Variants in ZNF182 observed in about 807,000 individuals in gnomAD.
ZNF182 encodes the protein zinc finger protein 21 (KOX 14).
In ZNF182, 10 loss-of-function variants were observed where a neutral mutation model predicts 28.1. The observed-to-expected ratio is 0.36, with a 90% CI of 0.22 to 0.60. The LOEUF (loss-of-function observed/expected upper bound fraction) is 0.60. ZNF182 is among the 20% of genes least tolerant of loss of function. The pLI, the probability that ZNF182 is intolerant of heterozygous loss-of-function variation, is 0.75. For synonymous variants in ZNF182, 156 were observed against 158.7 expected, an observed-to-expected ratio of 0.98 and a Z score of 0.13; for missense variants, 352 against 453.2, an observed-to-expected ratio of 0.78 and a Z score of 2.03.
chrX:47,981,554 A>G (rs1454862737), intron 5 of ZNF182, among the ~76,000 whole-genome samples: 1 of 112,604 alleles, frequency 8.9e-6, no homozygotes, highest in Non-Finnish European at 1.9e-5. Context: ...TCTGTACAAT[A>G]TGTAACTCAT....
chrX:47,993,078 C>T (rs145656082), intron 3 of ZNF182, among the ~76,000 whole-genome samples: 1,168 of 113,052 alleles, frequency 0.01, 20 homozygotes, highest in African/African-American at 0.036. Flanking sequence ...TCAGGCCCAC[C>T]CCCAGACCTC....
chrX:47,992,120 A>C (rs1297125412), intron 3 of ZNF182, among the ~76,000 whole-genome samples: 1 of 111,252 alleles, frequency 9.0e-6, no homozygotes, highest in Non-Finnish European at 1.9e-5. Context: ...CTGGCCAAAA[A>C]ATTGGCTCTC....
intron 3 of ZNF182, among the ~76,000 whole-genome samples, chrX:47,998,465 T>C (rs1014400288): frequency 4.5e-5 from 5 of 112,118 alleles, no homozygotes; most frequent in Admixed American, 1.9e-4. Context: ...AATAATATAT[T>C]GGTCAAAGAG....
In ZNF182 at chrX:47,983,098, A is replaced by G. The variant is rs930491367; in HGVS notation, c.143-60T>C. On this transcript the variant is annotated intron_variant, in intron 4 of 5. Coordinates refer to ENST00000376943, the MANE Select transcript of ZNF182 (RefSeq NM_001007088.2). ...CTTTCAGAGCCTCTGAGACAGAAGA[A>G]GTTACATATTGGGGGCAGCACAAGG... is the stretch of plus-strand genomic sequence containing the variant. 1.8e-5 allele frequency: 20 copies of G among 1,140,556 alleles called. No homozygotes were observed. The Admixed American group carries it at 4.4e-4, about 25-fold the overall frequency. 94.0% of individuals were successfully genotyped at this position (1,140,556 alleles called of 1,213,427 possible).
Position 47,977,581 on chromosome X carries a change from T to C in ZNF182, c.449A>G (p.Asp150Gly). The change falls in exon 6 of 6, where the codon GAT (aspartate) becomes GGT (glycine). Residue 150 changes from aspartate to glycine, a missense_variant. By Grantham distance (94) the Asp-to-Gly change is moderately conservative. Coordinates refer to ENST00000376943, the MANE Select transcript of ZNF182 (RefSeq NM_001007088.2). ...ACTTCTACTAAATAAGTCTAAATTA[T>C]CTACCATATTATTTCCAAATGATTC... ...KHESFGNNMV[D>G]NLDLFSRSSA... The C allele has an allele frequency of 8.3e-7, 1 of 1,206,645 alleles. No individual in the cohort carries two copies. Among genetic ancestry groups the C allele is most frequent in the Non-Finnish European group, 1.1e-6 (1 of 892,972 alleles).
Position 47,976,675 on chromosome X carries a change from G to A in ZNF182, c.1355C>T (p.Ser452Phe), listed in dbSNP as rs1556898192. The A allele has an allele frequency of 3.3e-6, 4 of 1,208,699 alleles. No individual in the cohort carries two copies. Among genetic ancestry groups the A allele is most frequent in the South Asian group, 3.6e-5 (2 of 56,294 alleles). ...NECEKAFSQKSYLMLHQRGHT... is the reference protein window; with the variant it reads ...NECEKAFSQKFYLMLHQRGHT... ...ACCTCTCTGATGCAGCATGAGGTAG[G>A]ACTTCTGAGAGAAGGCTTTCTCACA... The change falls in exon 6 of 6, where the codon TCC becomes TTC. Residue 452 changes from serine to phenylalanine, a missense_variant. Physicochemically the swap from Ser to Phe is radical, Grantham distance 155 (BLOSUM62 -2). Coordinates refer to ENST00000376943, the MANE Select transcript of ZNF182 (RefSeq NM_001007088.2).
intron 3 of ZNF182, among the ~76,000 whole-genome samples, chrX:47,984,871 C>A (rs1466091390): frequency 9.0e-6 from 1 of 111,646 alleles, no homozygotes; most frequent in Non-Finnish European, 1.9e-5. Flanking sequence ...CAAATAAGCA[C>A]ATAAAAAGAT....
chrX:47,993,921 T>G (rs2058949941), intron 3 of ZNF182, among the ~76,000 whole-genome samples: 1 of 111,383 alleles, frequency 9.0e-6, no homozygotes, highest in South Asian at 3.7e-4. Flanking sequence ...TTCATATCAT[T>G]GCCATTCCAG....
chrX:47,976,001 C>T lies in ZNF182; in HGVS notation c.*166G>A. The T allele has an allele frequency of 2.1e-6, 1 of 486,223 alleles. No individual in the cohort carries two copies. The highest frequency in any genetic ancestry group is 3.1e-6 in the Non-Finnish European group (1 of 319,145). 40.1% of individuals were successfully genotyped at this position (486,223 alleles called of 1,213,427 possible). On this transcript the variant is annotated 3_prime_UTR_variant, in exon 6 of 6. Coordinates refer to ENST00000376943, the MANE Select transcript of ZNF182 (RefSeq NM_001007088.2). ...AATTTTGTCAGATACAGAGATTACA[C>T]TTCTGCTTTTTCTCCCGTAGCTTTT... is the stretch of plus-strand genomic sequence containing the variant.
intron 5 of ZNF182, among the ~76,000 whole-genome samples, chrX:47,981,996 T>A (rs782547587): frequency 7.2e-5 from 8 of 110,843 alleles, no homozygotes; most frequent in African/African-American, 2.3e-4. Context: ...AAAACATATA[T>A]CACCACAAAA....
rs1310635879 is a variant in ZNF182 at position 47,978,468 on chromosome X, C to T, written c.233-671G>A. On this transcript the variant is annotated intron_variant, in intron 5 of 5. Coordinates refer to ENST00000376943, the MANE Select transcript of ZNF182 (RefSeq NM_001007088.2). The stretch of plus-strand genomic sequence containing the variant: ...CAGACTCATGTGTTACAATAGTTAA[C>T]ACTGAATCCACATTCTCAATGAATG... Among the ~76,000 whole-genome samples the T allele has an allele frequency of 2.8e-4, 32 of 112,319 alleles. 1 individual carries two copies. Among genetic ancestry groups the T allele is most frequent in the Non-Finnish European group, 3.8e-5 (2 of 53,264 alleles).
At position 47,976,777 on chromosome X, in the gene ZNF182, T is replaced by C; in HGVS notation, c.1253A>G (p.Lys418Arg). 1.7e-6 allele frequency: 2 copies of C among 1,211,605 alleles called. No individual in the cohort carries two copies. Among genetic ancestry groups the C allele is most frequent in the South Asian group, 3.5e-5 (2 of 56,955 alleles). Residue 418 changes from lysine to arginine, a missense_variant, in exon 6 of 6, where the codon AAA (lysine) becomes AGA (arginine). Physicochemically the swap from Lys to Arg is conservative, Grantham distance 26. Coordinates refer to ENST00000376943, the MANE Select transcript of ZNF182 (RefSeq NM_001007088.2). ...EKPYECDVCG[K>R]TFTQKSNLGV... ...AAGGTTTGACTTTTGCGTGAAGGTT[T>C]TTCCACACACATCACATTCATAGGG...
intron 5 of ZNF182, among the ~76,000 whole-genome samples, chrX:47,979,869 GTGTGTGTGT>G (rs2058898799): frequency 3.7e-5 from 2 of 53,497 alleles, no homozygotes; most frequent in African/African-American, 1.3e-4. Context: ...TGTGTGGGGT[GTGTGTGTGT>G]GTGTGTGTGT....
chrX:48,003,114 CAACTA>C (rs1370351115), intron 2 of ZNF182, among the ~76,000 whole-genome samples: 2 of 111,627 alleles, frequency 1.8e-5, no homozygotes, highest in Non-Finnish European at 3.8e-5. Flanking sequence ...ATATGTATCT[CAACTA>C]AACGTTTTTA....
Position 47,976,897 on chromosome X carries a change from G to T in ZNF182, c.1133C>A (p.Thr378Lys). 1 of 1,209,652 alleles carries T rather than the reference G, an allele frequency of 8.3e-7. No homozygotes were observed. The highest frequency in any genetic ancestry group is 1.8e-5 in the South Asian group (1 of 56,376). The stretch of plus-strand genomic sequence containing the variant: ...AGTACATTTATGAGGTTTCTCTCCC[G>T]TATGAGTTCTCTGGTGTATAATGAG... ...STLIIHQRTHTGEKPHKCTEC... is the reference protein window; with the variant it reads ...STLIIHQRTHKGEKPHKCTEC... The change falls in exon 6 of 6, where the codon ACG (threonine) becomes AAG (lysine). Residue 378 changes from threonine to lysine, a missense_variant. Thr to Lys is a moderately conservative substitution (Grantham distance 78, BLOSUM62 -1). Coordinates refer to ENST00000376943, the MANE Select transcript of ZNF182 (RefSeq NM_001007088.2).
chrX:47,977,764 T>C lies in ZNF182; in HGVS notation c.266A>G (p.Gln89Arg), dbSNP rs1556898543. ...VCQVDEQIER[Q>R]HQDDQDKCLL... is the part of the protein sequence containing the mutation. The stretch of plus-strand genomic sequence containing the variant: ...ACATTTATCTTGGTCATCCTGATGT[T>C]GCCTCTCAATCTGTTCATCAACTTG... The change falls in exon 6 of 6, where the codon CAA becomes CGA. Residue 89 changes from glutamine to arginine, a missense_variant. Physicochemically the swap from Gln to Arg is conservative, Grantham distance 43 (BLOSUM62 1). Transcript: ENST00000376943. 8.4e-7 allele frequency: 1 copy of C among 1,192,687 alleles called. No individual in the cohort carries two copies.
At chrX:47,978,389 C>T (rs1185406920) in intron 5 of ZNF182, among the ~76,000 whole-genome samples, 1 of 111,712 alleles carries the variant, frequency 9.0e-6, no homozygotes, top group Non-Finnish European at 1.9e-5. Context: ...GAAGTCTTAA[C>T]TGTACCTGAC....
intron 5 of ZNF182, among the ~76,000 whole-genome samples, chrX:47,980,007 G>A (rs1427320886): frequency 9.1e-6 from 1 of 110,218 alleles, no homozygotes; most frequent in African/African-American, 3.3e-5. Context: ...GAGGTTTGAA[G>A]GAAGCAAGAA....
intron 3 of ZNF182, among the ~76,000 whole-genome samples, chrX:47,989,157 G>T (rs1453123549): frequency 2.7e-5 from 3 of 112,022 alleles, no homozygotes; most frequent in Non-Finnish European, 5.6e-5. Flanking sequence ...GCTGGGTGTG[G>T]TGGCTCACAC....
Sources: allele counts gnomAD v4.1 joint callset (sites outside exome capture counted in the v4.1 genomes callset), GRCh38; gene constraint gnomAD v4.1.1; transcripts MANE v1.5; gene names NCBI Gene and HGNC (gene_info 2026-07-23, HGNC 2026-07-21).